NEBL: variants seen among roughly 807,000 people sequenced by gnomAD.
NEBL encodes the protein LIM and SH3 protein 2.
Under a neutral mutation model 140.2 loss-of-function variants are expected in NEBL, and 122 were observed. That is an observed-to-expected ratio of 0.87 (90% CI 0.75 to 1.01). NEBL has a LOEUF of 1.01. Among genes scored for constraint, NEBL ranks in the 50% least tolerant of loss-of-function variants. The pLI, the probability that NEBL is intolerant of heterozygous loss-of-function variation, is 0.00. For missense variants in NEBL, 1,365 were observed against 1,231.3 expected (o/e 1.11, Z -1.62); for synonymous variants, 436 against 398.9 (o/e 1.09, Z -1.11).
Position 20,868,672 on chromosome 10 carries a change from A to G in NEBL, c.676T>C (p.Ser226Pro), listed in dbSNP as rs768861339. Residue 226 changes from serine (S) to proline (P), a missense_variant, in exon 7 of 28, where the codon TCT becomes CCT. Transcript: ENST00000377122. ...FEHAVEASKL[S>P]SQIKYKEKFD... ...CATCACTAAAGCCTTACTTGACTAG[A>G]AAGTTTAGAAGCTTCCACGGCATGT... is the stretch of plus-strand genomic sequence containing the variant. 2.7e-5 allele frequency: 44 copies of G among 1,604,154 alleles called. No homozygotes were observed. Among genetic ancestry groups the G allele is most frequent in the Non-Finnish European group, 3.6e-5 (42 of 1,171,230 alleles).
chr10:21,126,058 G>A (rs755929683), intron 2 of NEBL: 2 of 1,614,116 alleles, frequency 1.2e-6, no homozygotes, highest in Non-Finnish European at 1.7e-6. Flanking sequence ...CAGCCTTCTG[G>A]TCTCCCCAAC....
intron 4 of NEBL, among the ~76,000 whole-genome samples, chr10:20,946,136 C>G (rs1158026764): frequency 6.6e-6 from 1 of 152,174 alleles, no homozygotes; most frequent in East Asian, 1.9e-4. Context: ...CAGGCCCCTG[C>G]TTGAGTCTTG....
chr10:21,214,927 CT>C (rs1841969077), intron 3 of NEBL, among the ~76,000 whole-genome samples: 1 of 152,138 alleles, frequency 6.6e-6, no homozygotes, highest in Non-Finnish European at 1.5e-5. Context: ...CTGCCCCCAT[CT>C]CCTGGAATCT....
Position 20,783,481 on chromosome 10 carries a change from A to G in NEBL, c.*2266T>C, listed in dbSNP as rs747053405. The G allele has an allele frequency of 1.3e-5, 2 of 152,204 alleles. No homozygotes were observed. The highest frequency in any genetic ancestry group is 2.9e-5 in the Non-Finnish European group (2 of 68,034). The allele number at this position is 152,204 out of a possible 1,614,324, so 9.4% of individuals were successfully genotyped here. A position where few individuals can be genotyped will look rare whatever the true frequency, so the allele number is the denominator to read the frequency against. ...AGACTTATTCCTCAAATATGTATTG[A>G]CTTTTATGCTCAGTGAATCTGGTTT... On this transcript the variant is annotated 3_prime_UTR_variant, in exon 28 of 28. Transcript: ENST00000377122.
At chr10:20,967,852 T>C (rs1836392546) in intron 3 of NEBL, among the ~76,000 whole-genome samples, 1 of 152,138 alleles carries the variant, frequency 6.6e-6, no homozygotes, top group Non-Finnish European at 1.5e-5. Context: ...TCTTTTGTGT[T>C]GATCAACTAT....
chr10:20,970,220 T>A (rs1836507597), intron 3 of NEBL, among the ~76,000 whole-genome samples: 1 of 152,144 alleles, frequency 6.6e-6, no homozygotes. Context: ...TAAGATGTGC[T>A]CAGCACTCCT....
At chr10:20,937,837 C>G (rs1011897558) in intron 4 of NEBL, among the ~76,000 whole-genome samples, 5 of 152,138 alleles carry the variant, frequency 3.3e-5, no homozygotes, top group African/African-American at 1.2e-4. Flanking sequence ...GAGCCTCGCT[C>G]ATTGCTAGCA....
intron 1 of NEBL, among the ~76,000 whole-genome samples, chr10:21,291,233 C>CAG (rs961952474): frequency 1.1e-4 from 17 of 152,130 alleles, no homozygotes; most frequent in Non-Finnish European, 2.1e-4. Flanking sequence ...AGGCCAGGCG[C>CAG]AGTGGCTCAC....
chr10:21,208,891 C>A (rs867243082), intron 3 of NEBL, among the ~76,000 whole-genome samples: 1 of 152,166 alleles, frequency 6.6e-6, no homozygotes, highest in African/African-American at 2.4e-5. Flanking sequence ...TGCACCTCAC[C>A]CTTCCAGCAA....
chr10:21,258,318 CACT>C (rs1185332300), intron 1 of NEBL, among the ~76,000 whole-genome samples: 1 of 152,190 alleles, frequency 6.6e-6, no homozygotes, highest in African/African-American at 2.4e-5. Context: ...CCTGTAATCC[CACT>C]ACTTGGAGAG....
At chr10:21,222,315 C>T (rs900520711) in intron 3 of NEBL, among the ~76,000 whole-genome samples, 4 of 150,964 alleles carry the variant, frequency 2.6e-5, no homozygotes, top group African/African-American at 9.7e-5. Context: ...TGATTTGAAA[C>T]TAGGTTTCAG....
At chr10:20,944,870 T>A (rs990209443) in intron 4 of NEBL, among the ~76,000 whole-genome samples, 2 of 152,150 alleles carry the variant, frequency 1.3e-5, no homozygotes, top group African/African-American at 4.8e-5. Flanking sequence ...CCTAGTGCCA[T>A]AATCATACCC....
chr10:20,804,281 T>C (rs1452838347), intron 26 of NEBL: 2 of 152,210 alleles, frequency 1.3e-5, no homozygotes, highest in Admixed American at 6.5e-5. Context: ...ATCTGAGCAC[T>C]GGACATTCAA....
intron 2 of NEBL, among the ~76,000 whole-genome samples, chr10:21,157,506 G>A (rs1418869173): frequency 1.3e-5 from 2 of 152,136 alleles, no homozygotes; most frequent in African/African-American, 4.8e-5. Context: ...GGGAAGCAGA[G>A]GCTGCAGTGA....
At chr10:20,810,010 A>T in intron 24 of NEBL, 112 bp from the exon 25 acceptor site, 1 of 755,626 alleles carries the variant, frequency 1.3e-6, no homozygotes, top group Non-Finnish European at 2.2e-6. Context: ...AAAGGAATAG[A>T]TATAAGAAGC....
In NEBL at chr10:20,785,464, A is replaced by T. The variant is rs1021040022; in HGVS notation, c.*283T>A. The stretch of plus-strand genomic sequence containing the variant: ...TCTCTATTAAAGTCTACAAAAATAC[A>T]TTTCCCAGAAGGGTTCAATAGCCAA... On this transcript the variant is annotated 3_prime_UTR_variant, in exon 28 of 28. Transcript: ENST00000377122. 2.2e-6 allele frequency: 1 copy of T among 446,456 alleles called. No homozygotes were observed. Among genetic ancestry groups the T allele is most frequent in the South Asian group, 2.3e-5 (1 of 43,718 alleles). 27.7% of individuals were successfully genotyped at this position (446,456 alleles called of 1,614,324 possible). A position where few individuals can be genotyped will look rare whatever the true frequency, so the allele number is the denominator to read the frequency against.
At chr10:21,262,537 G>A (rs1487964123) in intron 1 of NEBL, among the ~76,000 whole-genome samples, 2 of 152,216 alleles carry the variant, frequency 1.3e-5, no homozygotes, top group South Asian at 2.1e-4. Flanking sequence ...TCTGGGATTG[G>A]AAATTAAACT....
At chr10:20,814,630 A>ACACC (rs1838535717) in intron 22 of NEBL, among the ~76,000 whole-genome samples, 1 of 151,804 alleles carries the variant, frequency 6.6e-6, no homozygotes, top group Admixed American at 6.6e-5. Flanking sequence ...ACACACACAC[A>ACACC]CACACACACA....
chr10:21,011,644 G>A (rs994126751), intron 3 of NEBL, among the ~76,000 whole-genome samples: 1 of 148,102 alleles, frequency 6.8e-6, no homozygotes. Context: ...GGCATCTGTG[G>A]CTGGCATCTG....
Sources: gnomAD v4.1 joint callset for allele counts (sites outside exome capture counted in the v4.1 genomes callset) on GRCh38, gnomAD v4.1.1 for gene constraint, MANE v1.5 for transcripts, NCBI Gene and HGNC (gene_info 2026-07-23, HGNC 2026-07-21) for gene names.